The following HM13 variants were observed in gnomAD, a reference collection of about 807,000 sequenced individuals.
The protein encoded by HM13 is signal peptide peptidase.
Under a neutral mutation model 50.0 loss-of-function variants are expected in HM13, and 18 were observed. The ratio of observed to expected loss-of-function variants is 0.36; its 90% CI spans 0.25 to 0.53. The LOEUF is 0.53. Ranked by LOEUF, HM13 falls within the 20% of genes least tolerant of loss-of-function variation. The pLI is 0.90. For missense variants in HM13, 393 were observed against 552.4 expected (o/e 0.71, Z 2.89); for synonymous variants, 197 against 232.6 (o/e 0.85, Z 1.39).
intron 1 of HM13, among the ~76,000 whole-genome samples, chr20:31,518,580 A>G (rs1981945842): frequency 1.3e-5 from 2 of 151,800 alleles, no homozygotes; most frequent in Admixed American, 6.6e-5. Flanking sequence ...CGGGAGGCAC[A>G]GGTTGCAATG....
At chr20:31,532,215 A>G (rs1452053886) in intron 2 of HM13, among the ~76,000 whole-genome samples, 1 of 151,962 alleles carries the variant, frequency 6.6e-6, no homozygotes, top group Non-Finnish European at 1.5e-5. Context: ...TCACGAGGTC[A>G]GGAGATCGAG....
At chr20:31,555,721 C>T (rs1358750517) in intron 8 of HM13, among the ~76,000 whole-genome samples, 2 of 151,842 alleles carry the variant, frequency 1.3e-5, no homozygotes, top group Non-Finnish European at 2.9e-5. Flanking sequence ...GTAATTCCAA[C>T]ACTTTGGGAA....
At chr20:31,558,657 C>T (rs1984446521) in intron 8 of HM13, among the ~76,000 whole-genome samples, 1 of 152,158 alleles carries the variant, frequency 6.6e-6, no homozygotes, top group African/African-American at 2.4e-5. Flanking sequence ...ATGGGAAGCA[C>T]AATTCTCCTG....
chr20:31,569,041 G>T (rs1430793387), intron 12 of HM13, 79 bp from the exon 13 acceptor site: 1 of 983,408 alleles, frequency 1.0e-6, no homozygotes, highest in South Asian at 1.5e-5. Context: ...GGATGGGGGT[G>T]GGGGAAGGGG....
intron 9 of HM13, among the ~76,000 whole-genome samples, chr20:31,560,220 T>A (rs141251205): frequency 6.6e-6 from 1 of 152,196 alleles, no homozygotes; most frequent in South Asian, 2.1e-4. Context: ...AAAGGTCTTA[T>A]CCAAGTTAAT....
intron 3 of HM13, 73 bp from the exon 4 acceptor site, chr20:31,544,874 T>G (rs1368699870): frequency 8.5e-7 from 1 of 1,178,810 alleles, no homozygotes; most frequent in South Asian, 1.2e-5. Context: ...CAGCTGTAAA[T>G]GGGGCAGGGG....
At chr20:31,550,580 T>C (rs941774926) in intron 7 of HM13, 26 of 155,514 alleles carry the variant, frequency 1.7e-4, no homozygotes, top group East Asian at 1.9e-4. Context: ...TGAGCATCTC[T>C]AATCCGAAAA....
chr20:31,535,299 C>G (rs1462741519), intron 2 of HM13: 1 of 152,048 alleles, frequency 6.6e-6, no homozygotes, highest in Non-Finnish European at 1.5e-5. Flanking sequence ...AAATTAAATC[C>G]AACAGCATAA....
intron 2 of HM13, among the ~76,000 whole-genome samples, chr20:31,536,684 G>A (rs1416159852): frequency 6.6e-6 from 1 of 152,078 alleles, no homozygotes; most frequent in Non-Finnish European, 1.5e-5. Flanking sequence ...TTAGCTCTGG[G>A]CTCACAGGCC....
chr20:31,534,046 A>AT (rs1425897666), intron 2 of HM13, among the ~76,000 whole-genome samples: 2 of 150,342 alleles, frequency 1.3e-5, no homozygotes, highest in African/African-American at 2.5e-5. Context: ...CGCCCGCCTA[A>AT]TTTTTTTTTA....
intron 11 of HM13, among the ~76,000 whole-genome samples, chr20:31,566,974 C>G (rs1195008417): frequency 6.6e-6 from 1 of 152,112 alleles, no homozygotes; most frequent in Non-Finnish European, 1.5e-5. Context: ...GCTGCCTACT[C>G]GGGTGCCTTC....
chr20:31,552,325 TG>T (rs1466157531), intron 7 of HM13, among the ~76,000 whole-genome samples: 19 of 152,094 alleles, frequency 1.2e-4, no homozygotes, highest in Admixed American at 1.2e-3. Flanking sequence ...TGGAGGGGCC[TG>T]GGAGCAGAGA....
chr20:31,545,910 T>G (rs1983685478), intron 4 of HM13, among the ~76,000 whole-genome samples: 1 of 152,136 alleles, frequency 6.6e-6, no homozygotes, highest in Non-Finnish European at 1.5e-5. Context: ...CTAGCCAGGC[T>G]GGTCTCAAAC....
At chr20:31,523,506 G>A (rs931941677) in intron 1 of HM13, among the ~76,000 whole-genome samples, 11 of 152,012 alleles carry the variant, frequency 7.2e-5, no homozygotes, top group Non-Finnish European at 1.3e-4. Context: ...CAGGTGATCC[G>A]CCCGCCTCCA....
At chr20:31,548,474 G>A (rs1286958285) in intron 4 of HM13, 2 of 185,436 alleles carry the variant, frequency 1.1e-5, no homozygotes, top group East Asian at 1.4e-4. Flanking sequence ...TGAGGCTGCC[G>A]CTAACCTTCT....
intron 2 of HM13, among the ~76,000 whole-genome samples, chr20:31,530,808 G>A (rs562159168): frequency 3.0e-4 from 45 of 152,210 alleles, no homozygotes; most frequent in Middle Eastern, 3.4e-3. Context: ...CAGTATTGTC[G>A]TGAACACTTC....
At chr20:31,518,543 G>C (rs1440640515) in intron 1 of HM13, among the ~76,000 whole-genome samples, 2 of 151,632 alleles carry the variant, frequency 1.3e-5, no homozygotes, top group Non-Finnish European at 2.9e-5. Context: ...CTACTCGGGA[G>C]GCTGAGGCAC....
intron 10 of HM13, 70 bp from the exon 11 acceptor site, chr20:31,566,140 G>A (rs1444257589): frequency 3.5e-6 from 4 of 1,155,360 alleles, no homozygotes; most frequent in Admixed American, 4.5e-5. Flanking sequence ...GAAGGGGTTT[G>A]GGGTGCTGGG....
intron 3 of HM13, 72 bp from the exon 4 acceptor site, chr20:31,544,874 TG>T: frequency 8.5e-7 from 1 of 1,178,928 alleles, no homozygotes. Context: ...CAGCTGTAAA[TG>T]GGGCAGGGGT....
Sources: gnomAD v4.1 joint callset for allele counts (sites outside exome capture counted in the v4.1 genomes callset) on GRCh38, gnomAD v4.1.1 for gene constraint, MANE v1.5 for transcripts, NCBI Gene and HGNC (gene_info 2026-07-23, HGNC 2026-07-21) for gene names.